The following ATG7 variants were observed in gnomAD, a reference collection of about 807,000 sequenced individuals.
ATG7 encodes the protein ubiquitin-like modifier-activating enzyme ATG7.
ATG7 carries 70 observed loss-of-function variants against 82.4 expected under a neutral mutation model. The observed-to-expected ratio is 0.85, with a 90% confidence interval of 0.70 to 1.04. ATG7 has a LOEUF of 1.04. Among genes scored for constraint, ATG7 ranks in the 50% least tolerant of loss-of-function variants. The pLI is 0.00. For synonymous variants in ATG7, 287 were observed against 313.0 expected, an observed-to-expected ratio of 0.92 and a Z score of 0.88; for missense variants, 792 against 864.3, an observed-to-expected ratio of 0.92 and a Z score of 1.05.
At chr3:11,357,978 T>A (rs1307193252) in intron 14 of ATG7, among the ~76,000 whole-genome samples, 1 of 143,928 alleles carries the variant, frequency 6.9e-6, no homozygotes, top group East Asian at 2.0e-4. Context: ...TAGTGCCCTC[T>A]AGCCTGGGTG....
intron 20 of ATG7, among the ~76,000 whole-genome samples, chr3:11,483,570 C>T (rs2089260373): frequency 6.6e-6 from 1 of 152,154 alleles, no homozygotes; most frequent in Admixed American, 6.5e-5. Context: ...ATGTGATGAG[C>T]AGGTTATTTT....
chr3:11,419,561 A>G (rs1421373090), intron 19 of ATG7, among the ~76,000 whole-genome samples: 2 of 151,842 alleles, frequency 1.3e-5, no homozygotes, highest in Non-Finnish European at 2.9e-5. Flanking sequence ...TCTCAAAACA[A>G]ACAAAAAAAA....
chr3:11,315,196 T>C (rs1350985719), intron 8 of ATG7, 148 bp from the exon 9 acceptor site: 1 of 674,366 alleles, frequency 1.5e-6, no homozygotes, highest in Non-Finnish European at 2.2e-6. Context: ...GAGGCACTTC[T>C]ATGTTCACTT....
chr3:11,352,988 C>A (rs2075675816), intron 14 of ATG7, among the ~76,000 whole-genome samples: 1 of 152,226 alleles, frequency 6.6e-6, no homozygotes, highest in Admixed American at 6.5e-5. Flanking sequence ...TATTTGGTTA[C>A]CTGGAAAAGT....
intron 5 of ATG7, among the ~76,000 whole-genome samples, chr3:11,303,813 G>A (rs1299403764): frequency 6.6e-6 from 1 of 150,632 alleles, no homozygotes; most frequent in Non-Finnish European, 1.5e-5. Context: ...GGTGGCTCAC[G>A]CCTGTAATCC....
chr3:11,557,683 T>TTTTTGTTTAC (rs1362577689), downstream of ATG7: 1 of 152,640 alleles, frequency 6.6e-6, no homozygotes, highest in African/African-American at 2.4e-5. Flanking sequence ...AGTATTAAGG[T>TTTTTGTTTAC]TTTTGTTTAC....
rs762401984 is a variant in ATG7 at position 11,333,009 on chromosome 3, C to T, written c.805C>T (p.Arg269Cys). The change falls in exon 11 of 21, where the codon CGT becomes TGT. Residue 269 changes from arginine (R) to cysteine (C), a missense_variant. Physicochemically the swap from Arg to Cys is radical, Grantham distance 180 (BLOSUM62 -3). Coordinates refer to ENST00000693202, the MANE Select transcript of ATG7 (RefSeq NM_001349232.2). Reference protein sequence around the residue: ...SFQSVEVVCFRDRTMQGARDV... With the variant: ...SFQSVEVVCFCDRTMQGARDV... The stretch of plus-strand genomic sequence containing the variant: ...CCAGTCTGTTGAAGTTGTTTGCTTC[C>T]GTGACCGTACCATGCAGGGGGCGAG... 21 of 1,570,804 alleles carry T rather than the reference C, an allele frequency of 1.3e-5. No individual in the cohort carries two copies. Among genetic ancestry groups the T allele is most frequent in the East Asian group, 2.4e-5 (1 of 41,580 alleles).
chr3:11,486,492 A>G (rs1265460414), intron 20 of ATG7, among the ~76,000 whole-genome samples: 1 of 151,678 alleles, frequency 6.6e-6, no homozygotes. Context: ...AACAGGGACA[A>G]TTTGACTTCC....
chr3:11,299,568 C>T (rs1321954903), intron 5 of ATG7, 152 bp downstream of exon 5: 3 of 726,568 alleles, frequency 4.1e-6, no homozygotes, highest in Non-Finnish European at 4.7e-6. Context: ...TTATACCTCC[C>T]ATAGAGATGA....
At chr3:11,478,279 A>C (rs1042908022) in intron 20 of ATG7, among the ~76,000 whole-genome samples, 2 of 152,178 alleles carry the variant, frequency 1.3e-5, no homozygotes, top group African/African-American at 4.8e-5. Flanking sequence ...ATGAATCTCT[A>C]TCTCTCTTTT....
intron 19 of ATG7, among the ~76,000 whole-genome samples, chr3:11,382,311 G>T (rs114213497): frequency 6.6e-6 from 1 of 152,242 alleles, no homozygotes; most frequent in African/African-American, 2.4e-5. Flanking sequence ...GAGCACGCAC[G>T]CACGCGAGCG....
chr3:11,473,500 G>A (rs930754223), intron 20 of ATG7, among the ~76,000 whole-genome samples: 5 of 152,124 alleles, frequency 3.3e-5, no homozygotes, highest in African/African-American at 4.8e-5. Context: ...GGAAAAACTC[G>A]GGATTCAGTT....
intron 19 of ATG7, among the ~76,000 whole-genome samples, chr3:11,408,306 G>T (rs561318469): frequency 1.3e-5 from 2 of 152,192 alleles, no homozygotes. Flanking sequence ...CCTTAGCCTG[G>T]ACCTTGTTTA....
intron 20 of ATG7, among the ~76,000 whole-genome samples, chr3:11,504,578 G>C (rs924989799): frequency 3.3e-5 from 5 of 152,232 alleles, no homozygotes; most frequent in Non-Finnish European, 5.9e-5. Flanking sequence ...ATCCAGGCCA[G>C]AGGGCTCTAG....
intron 1 of ATG7, among the ~76,000 whole-genome samples, chr3:11,276,363 T>C (rs764598870): frequency 1.8e-4 from 28 of 152,222 alleles, no homozygotes; most frequent in Non-Finnish European, 2.6e-4. Flanking sequence ...AGGACTGGGT[T>C]CCATCATTTG....
At chr3:11,413,439 C>T (rs2081095773) in intron 19 of ATG7, among the ~76,000 whole-genome samples, 1 of 152,136 alleles carries the variant, frequency 6.6e-6, no homozygotes, top group African/African-American at 2.4e-5. Flanking sequence ...CCCCCCGCCC[C>T]ACTTTCTTCA....
At chr3:11,390,955 T>A (rs115462573) in intron 19 of ATG7, among the ~76,000 whole-genome samples, 190 of 152,318 alleles carry the variant, frequency 1.2e-3, no homozygotes, top group African/African-American at 4.4e-3. Context: ...TCTCAAACTT[T>A]GAGCTTCAGT....
At chr3:11,325,036 T>C (rs1193472626) in intron 9 of ATG7, among the ~76,000 whole-genome samples, 2 of 152,224 alleles carry the variant, frequency 1.3e-5, no homozygotes, top group Non-Finnish European at 2.9e-5. Flanking sequence ...ACAAATACCA[T>C]TGTGTTACAG....
intron 18 of ATG7, among the ~76,000 whole-genome samples, chr3:11,366,794 C>G (rs2152821747): frequency 6.6e-6 from 1 of 152,232 alleles, no homozygotes; most frequent in East Asian, 1.9e-4. Flanking sequence ...ACTATGGCAA[C>G]TAATCCCTCT....
Sources: gnomAD v4.1 joint callset for allele counts (sites outside exome capture counted in the v4.1 genomes callset) on GRCh38, gnomAD v4.1.1 for gene constraint, MANE v1.5 for transcripts, NCBI Gene and HGNC (gene_info 2026-07-23, HGNC 2026-07-21) for gene names.